Variants in WWOX observed in about 807,000 individuals in gnomAD.
WWOX encodes WW domain containing oxidoreductase.
Under a neutral mutation model 46.2 loss-of-function variants are expected in WWOX, and 69 were observed. The ratio of observed to expected loss-of-function variants is 1.49; its 90% confidence interval spans 1.23 to 1.82. The LOEUF is 1.82. Among genes scored for constraint, WWOX ranks in the 40% most tolerant of loss-of-function variants. The pLI is 0.00. For missense variants in WWOX, 919 were observed against 542.6 expected (o/e 1.69, Z -6.89); for synonymous variants, 359 against 202.6 (o/e 1.77, Z -6.56).
At chr16:78,377,068 T>A (rs546540756) in intron 5 of WWOX, among the ~76,000 whole-genome samples, 1 of 152,270 alleles carries the variant, frequency 6.6e-6, no homozygotes, top group Non-Finnish European at 1.5e-5. Context: ...ATTTTTCTTT[T>A]ATCACTGACT....
intron 8 of WWOX, among the ~76,000 whole-genome samples, chr16:79,058,411 G>A (rs2048303985): frequency 6.6e-6 from 1 of 151,882 alleles, no homozygotes; most frequent in African/African-American, 2.4e-5. Context: ...TGTGATTATT[G>A]TTGTTACCAT....
At chr16:78,559,696 C>A (rs186546977) in intron 8 of WWOX, among the ~76,000 whole-genome samples, 1 of 152,142 alleles carries the variant, frequency 6.6e-6, no homozygotes, top group Non-Finnish European at 1.5e-5. Context: ...TAATCCTCCT[C>A]CTCAAGGGAA....
At chr16:78,197,534 C>G (rs546623360) in intron 5 of WWOX, among the ~76,000 whole-genome samples, 1 of 152,074 alleles carries the variant, frequency 6.6e-6, no homozygotes, top group Non-Finnish European at 1.5e-5. Context: ...GTTTAATAAA[C>G]GTTACCATGA....
chr16:79,141,877 C>G (rs912861921), intron 8 of WWOX, among the ~76,000 whole-genome samples: 1 of 151,814 alleles, frequency 6.6e-6, no homozygotes, highest in Non-Finnish European at 1.5e-5. Context: ...TTGTGATTAG[C>G]CCGTCTAACA....
At chr16:78,747,339 C>G (rs542350958) in intron 8 of WWOX, among the ~76,000 whole-genome samples, 3 of 152,016 alleles carry the variant, frequency 2.0e-5, no homozygotes, top group Non-Finnish European at 4.4e-5. Context: ...GTACAGGCAT[C>G]TGCGACCACA....
chr16:78,215,552 C>T (rs745984641), intron 5 of WWOX, among the ~76,000 whole-genome samples: 3 of 152,216 alleles, frequency 2.0e-5, no homozygotes, highest in Non-Finnish European at 4.4e-5. Flanking sequence ...GCCTCCCTAG[C>T]CATGCGGAAC....
At chr16:78,432,456 G>C in intron 7 of WWOX, 32 bp from the exon 8 acceptor site, 4 of 1,611,876 alleles carry the variant, frequency 2.5e-6, no homozygotes, top group East Asian at 4.5e-5. Flanking sequence ...GTCAGAACTT[G>C]GTTGCTTCAT....
intron 8 of WWOX, among the ~76,000 whole-genome samples, chr16:79,056,824 A>G (rs2048271462): frequency 6.6e-6 from 1 of 152,238 alleles, no homozygotes; most frequent in South Asian, 2.1e-4. Context: ...AAGGACAAAT[A>G]TCTGCTTCTT....
At chr16:78,686,643 T>C (rs2047867858) in intron 8 of WWOX, among the ~76,000 whole-genome samples, 1 of 152,208 alleles carries the variant, frequency 6.6e-6, no homozygotes, top group African/African-American at 2.4e-5. Context: ...AATTTGTTTT[T>C]TCGGAAGTCC....
At chr16:78,118,236 A>T (rs1343444529) in intron 4 of WWOX, among the ~76,000 whole-genome samples, 1 of 151,924 alleles carries the variant, frequency 6.6e-6, no homozygotes, top group Non-Finnish European at 1.5e-5. Flanking sequence ...TGTAAGTGAT[A>T]CGGAGCTGTA....
intron 8 of WWOX, among the ~76,000 whole-genome samples, chr16:78,542,250 C>G (rs1018712857): frequency 9.2e-5 from 14 of 152,012 alleles, no homozygotes; most frequent in Admixed American, 6.6e-4. Flanking sequence ...GTAATGATCT[C>G]CTGGTGCCAT....
At chr16:79,176,218 C>G (rs932586899) in intron 8 of WWOX, among the ~76,000 whole-genome samples, 1 of 152,192 alleles carries the variant, frequency 6.6e-6, no homozygotes, top group Non-Finnish European at 1.5e-5. Flanking sequence ...CAGAAAGCAA[C>G]ATAAGTGGGT....
intron 8 of WWOX, among the ~76,000 whole-genome samples, chr16:78,885,044 C>A (rs961078995): frequency 6.6e-6 from 1 of 152,148 alleles, no homozygotes; most frequent in African/African-American, 2.4e-5. Context: ...GTGTTTCGTT[C>A]TTAACCAACA....
intron 8 of WWOX, among the ~76,000 whole-genome samples, chr16:78,944,722 C>A (rs770064928): frequency 1.4e-4 from 22 of 152,124 alleles, no homozygotes; most frequent in Non-Finnish European, 2.5e-4. Flanking sequence ...CTTGAGACCT[C>A]CTAGGACTGC....
chr16:78,302,712 G>T (rs1485041029), intron 5 of WWOX, among the ~76,000 whole-genome samples: 1 of 152,106 alleles, frequency 6.6e-6, no homozygotes, highest in Non-Finnish European at 1.5e-5. Context: ...CTTCTCAGTC[G>T]AAGCAGCTTT....
chr16:78,611,442 T>C (rs1269534957), intron 8 of WWOX, among the ~76,000 whole-genome samples: 5 of 152,192 alleles, frequency 3.3e-5, no homozygotes, highest in Admixed American at 6.5e-5. Flanking sequence ...GTGCATTTTA[T>C]TGTGTGAAAT....
At chr16:78,762,345 A>T (rs1199846614) in intron 8 of WWOX, among the ~76,000 whole-genome samples, 4 of 152,088 alleles carry the variant, frequency 2.6e-5, no homozygotes, top group African/African-American at 9.7e-5. Flanking sequence ...CTCAGGCCTG[A>T]CTGACCCCAG....
chr16:78,967,393 C>T (rs1350523882), intron 8 of WWOX, among the ~76,000 whole-genome samples: 1 of 149,960 alleles, frequency 6.7e-6, no homozygotes, highest in South Asian at 2.1e-4. Flanking sequence ...AAGCTTTCCA[C>T]CCACCTCAGC....
intron 8 of WWOX, among the ~76,000 whole-genome samples, chr16:78,984,458 T>C (rs1053642140): frequency 2.0e-5 from 3 of 152,210 alleles, no homozygotes; most frequent in Non-Finnish European, 2.9e-5. Context: ...AAAGCAGCTG[T>C]AGACAGTAAG....
Sources: allele counts gnomAD v4.1 joint callset (sites outside exome capture counted in the v4.1 genomes callset), GRCh38; gene constraint gnomAD v4.1.1; transcripts MANE v1.5; gene names NCBI Gene and HGNC (gene_info 2026-07-23, HGNC 2026-07-21).